OSGIN1: variants seen among roughly 807,000 people sequenced by gnomAD.
OSGIN1 encodes the protein oxidative stress induced growth inhibitor 1, also known as oxidative stress-induced growth inhibitor 1.
Under a neutral mutation model 20.1 loss-of-function variants are expected in OSGIN1, and 19 were observed. The ratio of observed to expected loss-of-function variants is 0.95; its 90% CI spans 0.66 to 1.39. The LOEUF (loss-of-function observed/expected upper bound fraction) is 1.39. OSGIN1 is among the 40% of genes most tolerant of loss of function. OSGIN1 has a pLI of 0.00. For synonymous variants in OSGIN1, 368 were observed against 297.8 expected, an observed-to-expected ratio of 1.24 and a Z score of -2.43; for missense variants, 820 against 653.0, an observed-to-expected ratio of 1.26 and a Z score of -2.79.
chr16:83,965,629 C>G lies in OSGIN1; in HGVS notation c.1056C>G (p.Pro352=). ...TGCGGGAGCAGTCCATCCTGTCGCC[C>G]AGCCCCTATGAGGGTTACCGCAGCC... ...QMMREQSILS[P]SPYEGYRSLP... Residue 352 remains proline, a synonymous_variant, in exon 6 of 6, where the codon CCC becomes CCG. Transcript: ENST00000393306. The G allele has an allele frequency of 6.2e-7, 1 of 1,613,256 alleles. No homozygotes were observed. The highest frequency in any genetic ancestry group is 1.6e-4 in the Middle Eastern group (1 of 6,062).
In OSGIN1 at chr16:83,966,093, C is replaced by A; in HGVS notation, c.*86C>A. 3 of 1,150,198 alleles carry A rather than the reference C, an allele frequency of 2.6e-6. No individual in the cohort carries two copies. Among genetic ancestry groups the A allele is most frequent in the Non-Finnish European group, 3.6e-6 (3 of 838,422 alleles). The allele number at this position is 1,150,198 out of a possible 1,614,324, so 71.2% of individuals were successfully genotyped here. ...TGGATGCAGGACCCGTCCAAAGATG[C>A]CCCGGGGAGGGGTGTCAGCCCACGT... On this transcript the variant is annotated 3_prime_UTR_variant, in exon 6 of 6. Transcript: ENST00000393306.
In OSGIN1 at chr16:83,965,579, G is replaced by C. The variant is rs144212833; in HGVS notation, c.1006G>C (p.Glu336Gln). The change falls in exon 6 of 6, where the codon GAG becomes CAG. Residue 336 changes from glutamate to glutamine, a missense_variant. Coordinates refer to ENST00000393306, the MANE Select transcript of OSGIN1 (RefSeq NM_182981.3). ...FNQLPKMLYP[E>Q]YHKVHQMMRE... ...CCAGCTGCCCAAGATGCTGTACCCC[G>C]AGTACCACAAGGTGCACCAGATGAT... The C allele has an allele frequency of 6.2e-7, 1 of 1,612,982 alleles. No individual in the cohort carries two copies. Among genetic ancestry groups the C allele is most frequent in the Admixed American group, 1.7e-5 (1 of 60,012 alleles).
Position 83,966,114 on chromosome 16 carries a change from C to G in OSGIN1, c.*107C>G. 1.1e-6 allele frequency: 1 copy of G among 935,426 alleles called. No homozygotes were observed. Among genetic ancestry groups the G allele is most frequent in the Non-Finnish European group, 1.6e-6 (1 of 643,456 alleles). The allele number at this position is 935,426 out of a possible 1,614,324, so 57.9% of individuals were successfully genotyped here. On this transcript the variant is annotated 3_prime_UTR_variant, in exon 6 of 6. Coordinates refer to ENST00000393306, the MANE Select transcript of OSGIN1 (RefSeq NM_182981.3). ...GATGCCCCGGGGAGGGGTGTCAGCCCACGTTGCTGGCCTTTGGGGTCAAGA... is the reference window on the plus strand; with the variant it reads ...GATGCCCCGGGGAGGGGTGTCAGCCGACGTTGCTGGCCTTTGGGGTCAAGA...
At chr16:83,959,131 TTAATA>T (rs1909078685) in intron 2 of OSGIN1, 124 bp from the exon 3 acceptor site, 1 of 705,370 alleles carries the variant, frequency 1.4e-6, no homozygotes, top group Non-Finnish European at 2.5e-6. Context: ...GGCTAAGGGC[TTAATA>T]AATATTTATT....
chr16:83,957,564 C>G (rs1366947057), intron 1 of OSGIN1, 76 bp from the exon 2 acceptor site: 2 of 774,010 alleles, frequency 2.6e-6, no homozygotes, highest in African/African-American at 3.5e-5. Context: ...GCCACCCTAG[C>G]TGGGAGGTGA....
intron 5 of OSGIN1, 100 bp downstream of exon 5, chr16:83,961,172 C>G (rs1363481767): frequency 1.0e-6 from 1 of 1,002,206 alleles, no homozygotes; most frequent in East Asian, 2.4e-5. Context: ...GTTTATTTTT[C>G]CAAGGTTGAG....
chr16:83,959,093 A>G (rs888297722), intron 2 of OSGIN1, among the ~76,000 whole-genome samples, 167 bp from the exon 3 acceptor site: 1 of 152,180 alleles, frequency 6.6e-6, no homozygotes, highest in Non-Finnish European at 1.5e-5. Context: ...TCTTTTTAAA[A>G]GTATTATTAG....
intron 1 of OSGIN1, among the ~76,000 whole-genome samples, chr16:83,956,136 G>C (rs906684697): frequency 6.6e-6 from 1 of 152,226 alleles, no homozygotes; most frequent in African/African-American, 2.4e-5. Flanking sequence ...AGAGTGCTCT[G>C]AGAAGGTCAG....
At chr16:83,959,498 C>T in intron 3 of OSGIN1, 102 bp downstream of exon 3, 1 of 1,153,990 alleles carries the variant, frequency 8.7e-7, no homozygotes, top group East Asian at 2.6e-5. Context: ...TTGCTGGAAA[C>T]AAGACTAAAC....
At chr16:83,957,328 T>G (rs374407632) in intron 1 of OSGIN1, among the ~76,000 whole-genome samples, 25 of 152,150 alleles carry the variant, frequency 1.6e-4, no homozygotes, top group African/African-American at 5.8e-4. Flanking sequence ...ATAATGAGTT[T>G]CGGGGACTGT....
intron 5 of OSGIN1, among the ~76,000 whole-genome samples, chr16:83,962,317 C>T (rs2084224653): frequency 6.6e-6 from 1 of 152,214 alleles, no homozygotes; most frequent in Non-Finnish European, 1.5e-5. Flanking sequence ...CAGCTCACTG[C>T]AAGCTCCGCC....
intron 1 of OSGIN1, among the ~76,000 whole-genome samples, chr16:83,954,944 G>A (rs1253149780): frequency 3.3e-5 from 5 of 152,218 alleles, no homozygotes; most frequent in African/African-American, 1.2e-4. Flanking sequence ...TGGCTCACTC[G>A]TTTGGTGAAG....
intron 3 of OSGIN1, among the ~76,000 whole-genome samples, chr16:83,960,248 G>A (rs764208230): frequency 2.0e-5 from 3 of 152,142 alleles, no homozygotes; most frequent in Non-Finnish European, 4.4e-5. Flanking sequence ...TAATATGCCC[G>A]TCTGTGTTAT....
chr16:83,954,850 C>T (rs1414004081), intron 1 of OSGIN1: 1 of 580,190 alleles, frequency 1.7e-6, no homozygotes, highest in Non-Finnish European at 2.2e-6. Context: ...AAATGCCCTT[C>T]TTGGGGTGGT....
Position 83,965,153 on chromosome 16 carries a change from T to G in OSGIN1, c.580T>G (p.Ser194Ala). The G allele has an allele frequency of 6.2e-7, 1 of 1,613,440 alleles. No homozygotes were observed. Among genetic ancestry groups the G allele is most frequent in the Non-Finnish European group, 8.5e-7 (1 of 1,179,994 alleles). The change falls in exon 6 of 6, where the codon TCC becomes GCC. Residue 194 changes from serine to alanine, a missense_variant. Ser to Ala is a moderately conservative substitution (Grantham distance 99). Transcript: ENST00000393306. Reference protein sequence around the residue: ...VKKGLGHNFVSGAVVTAVEWG... With the variant: ...VKKGLGHNFVAGAVVTAVEWG... Reference sequence around the variant, plus strand: ...GAAGGGTCTGGGGCATAACTTTGTGTCCGGTGCTGTAGTCACAGCCGTGGA... The same window carrying G: ...GAAGGGTCTGGGGCATAACTTTGTGGCCGGTGCTGTAGTCACAGCCGTGGA...
intron 1 of OSGIN1, 60 bp from the exon 2 acceptor site, chr16:83,957,580 C>T (rs1002352915): frequency 1.2e-6 from 1 of 858,994 alleles, no homozygotes; most frequent in African/African-American, 1.7e-5. Flanking sequence ...GGTGAAGTGG[C>T]TGTGTGGACA....
chr16:83,965,261 C>G lies in OSGIN1; in HGVS notation c.688C>G (p.Gln230Glu). ...FQVSGFLTRN[Q>E]AQQPFSLWAR... ...GGTGAGCGGCTTCCTGACCAGGAAC[C>G]AGGCCCAGCAGCCCTTCTCGCTGTG... The change falls in exon 6 of 6, where the codon CAG (glutamine) becomes GAG (glutamate). Residue 230 changes from glutamine (Q) to glutamate (E), a missense_variant. Coordinates refer to ENST00000393306, the MANE Select transcript of OSGIN1 (RefSeq NM_182981.3). The G allele has an allele frequency of 6.2e-7, 1 of 1,609,978 alleles. No homozygotes were observed. Among genetic ancestry groups the G allele is most frequent in the Non-Finnish European group, 8.5e-7 (1 of 1,178,054 alleles).
rs181631247 is a variant in OSGIN1, at chr16:83,963,421, C to T, written c.489-1641C>T. 6.9e-3 allele frequency among the ~76,000 whole-genome samples: 1,031 copies of T among 149,272 alleles called. 9 individuals carry two copies. The highest frequency in any genetic ancestry group is 0.027 in the Middle Eastern group (8 of 294). ...CACCGAATGCTTATTATGTGCCAGG[C>T]CTTGGGCTTAGACGTCAGAGCACAA... On this transcript the variant is annotated intron_variant, in intron 5 of 5. Coordinates refer to ENST00000393306, the MANE Select transcript of OSGIN1 (RefSeq NM_182981.3).
chr16:83,959,927 C>A lies in OSGIN1; in HGVS notation c.204+531C>A, dbSNP rs145750577. Among the ~76,000 whole-genome samples, 122 of 152,284 alleles carry A rather than the reference C, an allele frequency of 8.0e-4. 1 individual carries two copies. Among genetic ancestry groups the A allele is most frequent in the Middle Eastern group, 3.4e-3 (1 of 294 alleles). The stretch of plus-strand genomic sequence containing the variant: ...ATATTTCAGTCCCACTACCTCCTGC[C>A]CACAAGGGTTTGCAAATCCTCCCTC... On this transcript the variant is annotated intron_variant, in intron 3 of 5. Transcript: ENST00000393306.
Sources: gnomAD v4.1 joint callset for allele counts (sites outside exome capture counted in the v4.1 genomes callset) on GRCh38, gnomAD v4.1.1 for gene constraint, MANE v1.5 for transcripts, NCBI Gene and HGNC (gene_info 2026-07-23, HGNC 2026-07-21) for gene names.